TRPC5: variants seen among roughly 807,000 people sequenced by gnomAD.
TRPC5 encodes the protein short transient receptor potential channel 5.
A neutral mutation model predicts 56.5 loss-of-function variants in TRPC5; 9 were observed. The ratio of observed to expected loss-of-function variants is 0.16; its 90% CI spans 0.10 to 0.28. The LOEUF (loss-of-function observed/expected upper bound fraction) is 0.28, where lower values mean the gene tolerates loss of function less well. Among genes scored for constraint, TRPC5 ranks in the 10% least tolerant of loss-of-function variants. TRPC5 has a pLI of 1.00. For synonymous variants in TRPC5, 282 were observed against 278.5 expected (o/e 1.01, Z -0.13); for missense variants, 469 against 748.9 (o/e 0.63, Z 4.36).
chrX:111,830,447 C>T (rs1040256376), intron 7 of TRPC5, among the ~76,000 whole-genome samples: 5 of 111,165 alleles, frequency 4.5e-5, no homozygotes, highest in Non-Finnish European at 7.5e-5. Flanking sequence ...TTGGGAGGGG[C>T]CAGGGATGGA....
At chrX:112,007,737 C>T (rs1028341993) in intron 1 of TRPC5, among the ~76,000 whole-genome samples, 1 of 111,647 alleles carries the variant, frequency 9.0e-6, no homozygotes, top group African/African-American at 3.3e-5. Context: ...CTTTAAATGG[C>T]TCCAAAGCAG....
chrX:111,901,142 C>G (rs1925321555), intron 3 of TRPC5, among the ~76,000 whole-genome samples: 1 of 111,622 alleles, frequency 9.0e-6, no homozygotes, highest in Admixed American at 9.6e-5. Context: ...ACTCCCCAGG[C>G]TGCAGGGCAT....
chrX:111,848,433 A>C (rs895271648), intron 5 of TRPC5, among the ~76,000 whole-genome samples: 1 of 112,106 alleles, frequency 8.9e-6, no homozygotes, highest in Non-Finnish European at 1.9e-5. Context: ...TGTACTCCAT[A>C]AGTGGAGATG....
Position 111,776,234 on chromosome X carries a change from A to G in TRPC5, c.*79T>C, listed in dbSNP as rs1189378605. The G allele has an allele frequency of 9.0e-6, 9 of 997,720 alleles. No individual in the cohort carries two copies. The highest frequency in any genetic ancestry group is 1.9e-5 in the African/African-American group (1 of 51,918). 82.2% of individuals were successfully genotyped at this position (997,720 alleles called of 1,213,427 possible). On this transcript the variant is annotated 3_prime_UTR_variant, in exon 11 of 11. Transcript: ENST00000262839. ...TCTGGGGGGCAGGGGCAGTGAGGGA[A>G]TCATATTCTGTGTCACCTCTGAGAG...
chrX:111,925,322 G>T (rs1171010792), intron 2 of TRPC5, among the ~76,000 whole-genome samples: 1 of 112,505 alleles, frequency 8.9e-6, no homozygotes. Flanking sequence ...TGTTGGAAGA[G>T]ATCAGGAATT....
intron 2 of TRPC5, among the ~76,000 whole-genome samples, chrX:111,939,514 A>G (rs968950061): frequency 1.8e-5 from 2 of 111,692 alleles, no homozygotes; most frequent in African/African-American, 3.3e-5. Context: ...CAGTGAAACC[A>G]TCAGGTCCTG....
intron 3 of TRPC5, among the ~76,000 whole-genome samples, chrX:111,905,123 T>G (rs780038512): frequency 3.6e-5 from 4 of 110,750 alleles, no homozygotes; most frequent in Admixed American, 9.6e-5. Context: ...GTTATGTAAC[T>G]CTGAACGTTA....
chrX:112,053,546 A>AT (rs1164261700), intron 1 of TRPC5, among the ~76,000 whole-genome samples: 2 of 111,473 alleles, frequency 1.8e-5, no homozygotes, highest in Admixed American at 9.5e-5. Flanking sequence ...TCAAAAGCAC[A>AT]TTTTTTACCC....
At chrX:111,972,359 T>C (rs755569261) in intron 1 of TRPC5, among the ~76,000 whole-genome samples, 2 of 111,296 alleles carry the variant, frequency 1.8e-5, no homozygotes, top group Non-Finnish European at 3.8e-5. Context: ...ATTCTGCTCA[T>C]TTCCTTCTAG....
In TRPC5 at chrX:111,952,134, A is replaced by G; in HGVS notation, c.287T>C (p.Val96Ala). 8.3e-7 allele frequency: 1 copy of G among 1,212,092 alleles called. No homozygotes were observed. The highest frequency in any genetic ancestry group is 3.0e-5 in the East Asian group (1 of 33,831). The change falls in exon 2 of 11, where the codon GTG becomes GCG. Residue 96 changes from valine (V) to alanine (A), a missense_variant. This residue lies in a region of TRPC5 where 118 missense variants were observed against 167.1 expected (regional missense o/e 0.71). Coordinates refer to ENST00000262839, the MANE Select transcript of TRPC5 (RefSeq NM_012471.3). ...TATGGCATAGAGCAATGCATCACCC[A>G]CATACACGCTGTGGTTCAGCAGTAG... ...MELLLNHSVYVGDALLYAIRK... is the reference protein window; with the variant it reads ...MELLLNHSVYAGDALLYAIRK...
At chrX:111,955,525 C>T (rs1222899795) in intron 1 of TRPC5, among the ~76,000 whole-genome samples, 1 of 111,841 alleles carries the variant, frequency 8.9e-6, no homozygotes, top group Admixed American at 9.5e-5. Flanking sequence ...CTCTATACTA[C>T]GAATAAAGAA....
At chrX:111,852,028 G>A (rs746658444) in intron 5 of TRPC5, among the ~76,000 whole-genome samples, 1 of 112,313 alleles carries the variant, frequency 8.9e-6, no homozygotes, top group South Asian at 3.7e-4. Context: ...ATCGTAGAGA[G>A]CATTTAAACA....
intron 7 of TRPC5, among the ~76,000 whole-genome samples, chrX:111,817,453 G>T: frequency 9.3e-6 from 1 of 107,794 alleles, no homozygotes. Context: ...CGGCCTCCCA[G>T]TAGCTGGGAT....
At chrX:111,816,039 A>G (rs1405899151) in intron 7 of TRPC5, among the ~76,000 whole-genome samples, 1 of 111,333 alleles carries the variant, frequency 9.0e-6, no homozygotes, top group Non-Finnish European at 1.9e-5. Flanking sequence ...CAACCCAAAT[A>G]TATGGCCTTC....
chrX:111,921,002 A>G (rs150317425), intron 2 of TRPC5, among the ~76,000 whole-genome samples: 2,859 of 112,128 alleles, frequency 0.025, 101 homozygotes, highest in African/African-American at 0.088. Flanking sequence ...TTAAAACTCT[A>G]TAAATTGTAA....
chrX:112,079,676 G>A (rs1400576308), intron 1 of TRPC5, among the ~76,000 whole-genome samples: 2 of 111,918 alleles, frequency 1.8e-5, no homozygotes, highest in Non-Finnish European at 3.8e-5. Context: ...GGTTCTGCGT[G>A]CCATTCCGGT....
rs1188041610 is a variant in TRPC5, at chrX:111,855,846, T to G, written c.901-1740A>C. 8.9e-5 allele frequency among the ~76,000 whole-genome samples: 10 copies of G among 111,984 alleles called. No individual in the cohort carries two copies. The East Asian group carries it at 2.8e-3, about 31-fold the overall frequency. ...AGTAGAAGAACTGCTGGGAGCTCAG[T>G]CTACTGAGGGAAACAGAAGCACAAA... On this transcript the variant is annotated intron_variant, in intron 3 of 10. Coordinates refer to ENST00000262839, the MANE Select transcript of TRPC5 (RefSeq NM_012471.3).
chrX:112,007,734 T>A (rs902783839), intron 1 of TRPC5, among the ~76,000 whole-genome samples: 1 of 111,645 alleles, frequency 9.0e-6, no homozygotes, highest in African/African-American at 3.3e-5. Flanking sequence ...AGCCTTTAAA[T>A]GGCTCCAAAG....
intron 6 of TRPC5, among the ~76,000 whole-genome samples, chrX:111,839,823 C>T (rs1040363793): frequency 9.1e-6 from 1 of 110,310 alleles, no homozygotes; most frequent in Non-Finnish European, 1.9e-5. Flanking sequence ...CTCAAGTGAC[C>T]CTCCTGCCTC....
Sources: gnomAD v4.1 joint callset for allele counts (sites outside exome capture counted in the v4.1 genomes callset) on GRCh38, gnomAD v4.1.1 for gene constraint, gnomAD v4.1.1 regional missense constraint, MANE v1.5 for transcripts, NCBI Gene and HGNC (gene_info 2026-07-23, HGNC 2026-07-21) for gene names.